Variants in CNTNAP5 observed in about 807,000 individuals in gnomAD.
The protein encoded by CNTNAP5 is contactin-associated protein-like 5.
CNTNAP5 carries 72 observed loss-of-function variants against 150.2 expected under a neutral mutation model. The ratio of observed to expected loss-of-function variants is 0.48; its 90% CI spans 0.40 to 0.58. The LOEUF is 0.58. Ranked by LOEUF, CNTNAP5 falls within the 20% of genes least tolerant of loss-of-function variation. The pLI is 0.00. For missense variants in CNTNAP5, 1,636 were observed against 1,626.2 expected (o/e 1.01, Z -0.10); for synonymous variants, 672 against 619.8 (o/e 1.08, Z -1.25).
At chr2:124,709,236 T>C (rs1018981446) in intron 13 of CNTNAP5, among the ~76,000 whole-genome samples, 39 of 140,818 alleles carry the variant, frequency 2.8e-4, no homozygotes, top group South Asian at 8.5e-4. Context: ...TGTGTGCGTG[T>C]GTGTGTGTGT....
intron 1 of CNTNAP5, among the ~76,000 whole-genome samples, chr2:124,140,253 G>A (rs1339833867): frequency 5.0e-4 from 76 of 150,934 alleles, no homozygotes; most frequent in African/African-American, 1.5e-3. Context: ...GGTAAACAAA[G>A]CAGCCGGGAA....
chr2:124,419,953 TTTC>T (rs1252734664), intron 4 of CNTNAP5, among the ~76,000 whole-genome samples: 2 of 113,160 alleles, frequency 1.8e-5, no homozygotes, highest in Admixed American at 9.2e-5. Flanking sequence ...TCTTTCTTTC[TTTC>T]CTTTTCTCTC....
intron 11 of CNTNAP5, among the ~76,000 whole-genome samples, chr2:124,571,521 T>TTTTTTCTTTTTCTTTTTCTCTTTTTTTC (rs1253038799): frequency 1.4e-5 from 1 of 72,594 alleles, no homozygotes; most frequent in African/African-American, 4.7e-5. Flanking sequence ...CTTTTTTTTC[T>TTTTTTCTTTTTCTTTTTCTCTTTTTTTC]TTTTTCTTTT....
At chr2:124,362,595 G>T (rs1197514713) in intron 3 of CNTNAP5, among the ~76,000 whole-genome samples, 1 of 152,146 alleles carries the variant, frequency 6.6e-6, no homozygotes, top group Non-Finnish European at 1.5e-5. Flanking sequence ...AGTACATAAA[G>T]TTAGAAAAAG....
chr2:124,425,353 T>C (rs1309534890), intron 4 of CNTNAP5, among the ~76,000 whole-genome samples: 1 of 152,262 alleles, frequency 6.6e-6, no homozygotes, highest in Non-Finnish European at 1.5e-5. Flanking sequence ...TCTCATTGTA[T>C]GAACATCCTT....
intron 13 of CNTNAP5, among the ~76,000 whole-genome samples, chr2:124,656,594 G>A (rs1678463040): frequency 6.6e-6 from 1 of 152,130 alleles, no homozygotes; most frequent in Non-Finnish European, 1.5e-5. Context: ...AGCTAAAGAT[G>A]TTGATATGAA....
chr2:124,284,357 C>G lies in CNTNAP5; in HGVS notation c.381+41964C>G, dbSNP rs1573890239. Among the ~76,000 whole-genome samples the G allele has an allele frequency of 3.9e-5, 6 of 152,224 alleles. No individual in the cohort carries two copies. The South Asian group carries it at 1.2e-3, about 32-fold the overall frequency. On this transcript the variant is annotated intron_variant, in intron 3 of 23. Coordinates refer to ENST00000682447, the MANE Select transcript of CNTNAP5 (RefSeq NM_001367498.1). ...CAGATGTACTTTTTAGATGCTCAAT[C>G]ATGAGAAGAGTTGGGGTTTCCTAGG... is the stretch of plus-strand genomic sequence containing the variant.
intron 21 of CNTNAP5, among the ~76,000 whole-genome samples, chr2:124,898,667 A>G (rs1678356158): frequency 6.6e-6 from 1 of 151,652 alleles, no homozygotes; most frequent in Non-Finnish European, 1.5e-5. Context: ...CATTTGTTCA[A>G]TTGTGAATCA....
At chr2:124,665,669 A>G (rs567897268) in intron 13 of CNTNAP5, among the ~76,000 whole-genome samples, 3 of 152,142 alleles carry the variant, frequency 2.0e-5, no homozygotes, top group African/African-American at 7.2e-5. Context: ...GGCAGATCAC[A>G]AGGTCAGGAG....
chr2:124,125,826 C>T (rs1390063361), intron 1 of CNTNAP5, among the ~76,000 whole-genome samples: 7 of 152,070 alleles, frequency 4.6e-5, no homozygotes, highest in African/African-American at 1.7e-4. Context: ...GGGTACATAA[C>T]AAAATGAAGG....
chr2:124,313,491 T>C (rs1380759912), intron 3 of CNTNAP5, among the ~76,000 whole-genome samples: 1 of 152,174 alleles, frequency 6.6e-6, no homozygotes, highest in Non-Finnish European at 1.5e-5. Context: ...CAGGCACTAT[T>C]TTTGTTCACA....
chr2:124,110,281 A>T (rs1433052180), intron 1 of CNTNAP5, among the ~76,000 whole-genome samples: 1 of 152,132 alleles, frequency 6.6e-6, no homozygotes, highest in Non-Finnish European at 1.5e-5. Flanking sequence ...TGAATGGGGA[A>T]GTATATACAA....
intron 13 of CNTNAP5, among the ~76,000 whole-genome samples, chr2:124,688,082 G>A (rs1679229185): frequency 6.6e-6 from 1 of 152,066 alleles, no homozygotes; most frequent in Non-Finnish European, 1.5e-5. Flanking sequence ...AGCATTGCTA[G>A]CTATAAGATA....
intron 1 of CNTNAP5, among the ~76,000 whole-genome samples, chr2:124,118,825 C>G (rs191597185): frequency 1.3e-5 from 2 of 152,278 alleles, no homozygotes; most frequent in African/African-American, 4.8e-5. Flanking sequence ...GTATTTTAGA[C>G]AGTTCAGTTT....
intron 3 of CNTNAP5, among the ~76,000 whole-genome samples, chr2:124,326,372 G>T (rs1276981039): frequency 6.6e-6 from 1 of 152,196 alleles, no homozygotes. Flanking sequence ...GTGTGTGCCT[G>T]TGCCAACATG....
chr2:124,123,929 T>C (rs371437011), intron 1 of CNTNAP5, among the ~76,000 whole-genome samples: 2 of 151,988 alleles, frequency 1.3e-5, no homozygotes, highest in African/African-American at 2.4e-5. Flanking sequence ...AGACCAAAGG[T>C]AGTTAAAACC....
intron 3 of CNTNAP5, among the ~76,000 whole-genome samples, chr2:124,283,590 A>T (rs1431885392): frequency 6.6e-6 from 1 of 152,192 alleles, no homozygotes. Context: ...CTGTCTTGGC[A>T]ATATTAAATT....
intron 1 of CNTNAP5, among the ~76,000 whole-genome samples, chr2:124,136,583 A>T (rs1683979404): frequency 6.6e-6 from 1 of 152,200 alleles, no homozygotes. Context: ...AGAATACAGT[A>T]CTGAGAGTGA....
At chr2:124,706,847 GAGGAGGAGGA>G in intron 13 of CNTNAP5, among the ~76,000 whole-genome samples, 1 of 113,602 alleles carries the variant, frequency 8.8e-6, no homozygotes, top group African/African-American at 3.7e-5. Context: ...GGGGAGGAAG[GAGGAGGAGGA>G]GAAGGAGAAG....
Sources: allele counts gnomAD v4.1 joint callset (sites outside exome capture counted in the v4.1 genomes callset), GRCh38; gene constraint gnomAD v4.1.1; transcripts MANE v1.5; gene names NCBI Gene and HGNC (gene_info 2026-07-23, HGNC 2026-07-21).